Variants in DAB1 observed in about 807,000 individuals in gnomAD.
DAB1 encodes DAB adaptor protein 1.
DAB1 carries 15 observed loss-of-function variants against 64.6 expected under a neutral mutation model. That is an observed-to-expected ratio of 0.23 (90% CI 0.16 to 0.36). The LOEUF is 0.36. Among genes scored for constraint, DAB1 ranks in the 10% least tolerant of loss-of-function variants. DAB1 has a pLI of 1.00. For synonymous variants in DAB1, 235 were observed against 251.9 expected (o/e 0.93, Z 0.64); for missense variants, 596 against 706.7 (o/e 0.84, Z 1.78).
intron 9 of DAB1, among the ~76,000 whole-genome samples, chr1:57,049,187 T>C (rs996961223): frequency 2.0e-5 from 3 of 151,938 alleles, no homozygotes; most frequent in East Asian, 1.9e-4. Flanking sequence ...CAAACAGTCT[T>C]AGAAGTTAGA....
chr1:58,090,271 G>A (rs766935638), intron 5 of DAB1, among the ~76,000 whole-genome samples: 2 of 152,202 alleles, frequency 1.3e-5, no homozygotes, highest in East Asian at 1.9e-4. Flanking sequence ...AAGACAGCAC[G>A]GTTTCATTTA....
At chr1:57,387,395 T>C (rs1681955686) in intron 1 of DAB1, 1 of 152,196 alleles carries the variant, frequency 6.6e-6, no homozygotes, top group Admixed American at 6.5e-5. Context: ...TGGTCCATCT[T>C]TGAGTTTTGA....
chr1:58,207,889 C>G (rs1658361061), intron 4 of DAB1, among the ~76,000 whole-genome samples: 1 of 152,112 alleles, frequency 6.6e-6, no homozygotes, highest in African/African-American at 2.4e-5. Context: ...AAGGACATAC[C>G]TGAGACTGAG....
chr1:57,629,400 C>T (rs796805698), intron 7 of DAB1, among the ~76,000 whole-genome samples: 10 of 152,200 alleles, frequency 6.6e-5, no homozygotes, highest in African/African-American at 2.2e-4. Context: ...GGGGAACACA[C>T]CTGAGTGCTC....
intron 4 of DAB1, among the ~76,000 whole-genome samples, chr1:58,188,198 C>T (rs924862120): frequency 1.3e-5 from 2 of 152,164 alleles, no homozygotes; most frequent in Non-Finnish European, 2.9e-5. Flanking sequence ...CATAAGCCAC[C>T]ATACTCAGCC....
chr1:58,395,335 T>A (rs1374528101), intron 3 of DAB1, among the ~76,000 whole-genome samples: 1 of 152,246 alleles, frequency 6.6e-6, no homozygotes, highest in Non-Finnish European at 1.5e-5. Context: ...TCCCTCTCTC[T>A]GCCACAGAGA....
intron 5 of DAB1, among the ~76,000 whole-genome samples, chr1:58,141,372 A>C (rs1029067841): frequency 6.6e-6 from 1 of 152,102 alleles, no homozygotes; most frequent in Admixed American, 6.5e-5. Context: ...CGTGAGACTT[A>C]TTCACTATCA....
At chr1:57,175,692 T>C (rs1469724313) in intron 2 of DAB1, among the ~76,000 whole-genome samples, 10 of 152,168 alleles carry the variant, frequency 6.6e-5, no homozygotes, top group Non-Finnish European at 2.9e-5. Flanking sequence ...GGAGACTTTC[T>C]CAGAAAGATA....
chr1:57,985,795 T>C (rs937074771), intron 5 of DAB1, among the ~76,000 whole-genome samples: 2 of 152,074 alleles, frequency 1.3e-5, no homozygotes, highest in African/African-American at 4.8e-5. Flanking sequence ...TCTTCATATG[T>C]CACACAAGCA....
intron 7 of DAB1, among the ~76,000 whole-genome samples, chr1:57,568,878 C>G (rs1006524930): frequency 1.3e-4 from 20 of 152,128 alleles, no homozygotes; most frequent in Non-Finnish European, 2.2e-4. Flanking sequence ...GGCAATTCCT[C>G]AGGGATCTAG....
chr1:58,543,681 G>T (rs908138303), intron 1 of DAB1, among the ~76,000 whole-genome samples: 1 of 152,252 alleles, frequency 6.6e-6, no homozygotes, highest in South Asian at 2.1e-4. Flanking sequence ...TTTAAAAAAT[G>T]ACATGATGAT....
chr1:57,992,639 T>C (rs12079931), intron 5 of DAB1, among the ~76,000 whole-genome samples: 3,007 of 152,248 alleles, frequency 0.02, 67 homozygotes, highest in African/African-American at 0.049. Context: ...TCTTTCTGAT[T>C]GATTCTCTCA....
At chr1:57,905,979 T>TTCC (rs1409106504) in intron 5 of DAB1, among the ~76,000 whole-genome samples, 1 of 152,194 alleles carries the variant, frequency 6.6e-6, no homozygotes, top group African/African-American at 2.4e-5. Context: ...TTCTTCCTTC[T>TTCC]TCCTCAGTAA....
chr1:57,012,375 C>A (rs1002433226), intron 12 of DAB1, among the ~76,000 whole-genome samples: 1 of 152,204 alleles, frequency 6.6e-6, no homozygotes, highest in Non-Finnish European at 1.5e-5. Context: ...AAGTTGTTAT[C>A]ATAACTTTTT....
At chr1:58,170,546 C>T (rs992000294) in intron 4 of DAB1, among the ~76,000 whole-genome samples, 4 of 152,076 alleles carry the variant, frequency 2.6e-5, no homozygotes, top group African/African-American at 9.7e-5. Flanking sequence ...GGAACAGGCA[C>T]AAAAGGAAAA....
At chr1:57,389,671 G>T (rs146946094) in intron 1 of DAB1, among the ~76,000 whole-genome samples, 5 of 152,242 alleles carry the variant, frequency 3.3e-5, no homozygotes, top group African/African-American at 1.2e-4. Flanking sequence ...AGGGAAGGAA[G>T]GAGCATACTA....
intron 3 of DAB1, among the ~76,000 whole-genome samples, chr1:58,482,135 A>C (rs1268331526): frequency 6.6e-6 from 1 of 152,232 alleles, no homozygotes; most frequent in African/African-American, 2.4e-5. Flanking sequence ...GATGAAACCA[A>C]AAAGTACAAT....
intron 7 of DAB1, among the ~76,000 whole-genome samples, chr1:57,466,456 AAAT>A (rs1686956048): frequency 6.6e-6 from 1 of 152,230 alleles, no homozygotes; most frequent in Non-Finnish European, 1.5e-5. Flanking sequence ...GACTGTGAGA[AAAT>A]AACGTAACCC....
chr1:58,358,337 C>T (rs1209469326), intron 3 of DAB1, among the ~76,000 whole-genome samples: 1 of 152,056 alleles, frequency 6.6e-6, no homozygotes, highest in Non-Finnish European at 1.5e-5. Context: ...TCCTTCACAG[C>T]CAGGACTGTG....
Sources: gnomAD v4.1 joint callset for allele counts (sites outside exome capture counted in the v4.1 genomes callset) on GRCh38, gnomAD v4.1.1 for gene constraint, MANE v1.5 for transcripts, NCBI Gene and HGNC (gene_info 2026-07-23, HGNC 2026-07-21) for gene names.